Variants in ALOX5AP observed in about 807,000 individuals in gnomAD.
ALOX5AP encodes the protein arachidonate 5-lipoxygenase activating protein.
In ALOX5AP, 9 loss-of-function variants were observed where a neutral mutation model predicts 18.5. That is an observed-to-expected ratio of 0.49 (90% CI 0.29 to 0.85). The LOEUF is 0.85. ALOX5AP is among the 40% of genes least tolerant of loss of function. The pLI is 0.08. For synonymous variants in ALOX5AP, 81 were observed against 78.6 expected, an observed-to-expected ratio of 1.03 and a Z score of -0.16; for missense variants, 172 against 202.5, an observed-to-expected ratio of 0.85 and a Z score of 0.91.
intron 1 of ALOX5AP, among the ~76,000 whole-genome samples, chr13:30,739,194 C>T (rs1255469384): frequency 6.6e-6 from 1 of 152,176 alleles, no homozygotes; most frequent in Admixed American, 6.5e-5. Flanking sequence ...TGAAAGCTTG[C>T]GTTGTGTGAA....
chr13:30,757,024 T>A (rs1395824769), intron 4 of ALOX5AP, among the ~76,000 whole-genome samples: 1 of 152,094 alleles, frequency 6.6e-6, no homozygotes, highest in Non-Finnish European at 1.5e-5. Flanking sequence ...TGCCGTCAGT[T>A]CCTTAGAGAT....
chr13:30,715,795 G>A (rs1157791178), intron 1 of ALOX5AP, among the ~76,000 whole-genome samples: 1 of 141,024 alleles, frequency 7.1e-6, no homozygotes, highest in East Asian at 2.0e-4. Flanking sequence ...TTTTCTTTCA[G>A]GACCTTATTT....
intron 2 of ALOX5AP, among the ~76,000 whole-genome samples, chr13:30,744,736 C>T (rs773446815): frequency 1.6e-4 from 25 of 152,188 alleles, no homozygotes; most frequent in Non-Finnish European, 3.2e-4. Flanking sequence ...AACACCTGAG[C>T]GGCTCCTAAA....
chr13:30,738,076 T>TA lies in ALOX5AP; in HGVS notation c.70+2408dup, dbSNP rs1951734766. Reference sequence around the variant, plus strand: ...GCCATTCTGAACATTTCCTGTTAGTTAAAAAAAGATTTCCATGGTGTTACC... The same window carrying TA: ...GCCATTCTGAACATTTCCTGTTAGTTAAAAAAAAGATTTCCATGGTGTTACC... On this transcript the variant is annotated intron_variant, in intron 1 of 4. Coordinates refer to ENST00000380490, the MANE Select transcript of ALOX5AP (RefSeq NM_001629.4). Among the ~76,000 whole-genome samples, 2 of 152,260 alleles carry TA rather than the reference T, an allele frequency of 1.3e-5. 1 individual carries two copies. Among genetic ancestry groups the TA allele is most frequent in the African/African-American group, 4.8e-5 (2 of 41,534 alleles).
At chr13:30,725,899 C>A (rs1951635918) in intron 1 of ALOX5AP, among the ~76,000 whole-genome samples, 1 of 152,174 alleles carries the variant, frequency 6.6e-6, no homozygotes, top group East Asian at 1.9e-4. Context: ...TCAGTTACAG[C>A]ACCAGCTGGG....
chr13:30,735,290 A>C (rs41399556), upstream of ALOX5AP, among the ~76,000 whole-genome samples: 254 of 152,236 alleles, frequency 1.7e-3, no homozygotes, highest in African/African-American at 5.9e-3. Flanking sequence ...TCTTGGGTCC[A>C]GGATTCATTC....
intron 1 of ALOX5AP, among the ~76,000 whole-genome samples, chr13:30,737,715 C>T (rs905284508): frequency 1.2e-4 from 18 of 152,218 alleles, no homozygotes; most frequent in African/African-American, 3.6e-4. Flanking sequence ...CACAGCTGCC[C>T]CTTAGGAGCC....
At chr13:30,755,850 T>G in intron 3 of ALOX5AP, 94 bp from the exon 4 acceptor site, 1 of 1,238,168 alleles carries the variant, frequency 8.1e-7, no homozygotes, top group East Asian at 2.4e-5. Flanking sequence ...TGTCTTCTGC[T>G]AGATTTTGTG....
At chr13:30,740,316 T>C (rs1593435976) in intron 1 of ALOX5AP, among the ~76,000 whole-genome samples, 1 of 152,260 alleles carries the variant, frequency 6.6e-6, no homozygotes, top group East Asian at 1.9e-4. Context: ...TCTCTGGCCC[T>C]CCGTTTCCTT....
At chr13:30,763,421 T>C (rs3935645) in intron 4 of ALOX5AP, among the ~76,000 whole-genome samples, 76,420 of 152,148 alleles carry the variant, frequency 0.5, 19,278 homozygotes, top group Admixed American at 0.55. Context: ...TGAATGTAGA[T>C]ATGAATTATT....
chr13:30,731,038 G>T (rs892482367), upstream of ALOX5AP, among the ~76,000 whole-genome samples: 5 of 152,216 alleles, frequency 3.3e-5, no homozygotes, highest in African/African-American at 1.2e-4. Context: ...TGGGAGAGGG[G>T]TGGGCTCGCA....
chr13:30,741,836 T>TTTTTG (rs1555255431), intron 1 of ALOX5AP, among the ~76,000 whole-genome samples: 4 of 151,118 alleles, frequency 2.6e-5, no homozygotes, highest in South Asian at 2.1e-4. Context: ...TTTCTGTTTT[T>TTTTTG]TTTTTTTTTT....
In ALOX5AP at chr13:30,714,917, C is replaced by CTCTTA. The variant is rs561346797; in HGVS notation, c.116+1076_116+1077insTCTTA. ...TTATCATATTACCCACTGTACTCCC[C>CTCTTA]GCTTAGAGCTGTGTCAAGGTTCTGA... On this transcript the variant is annotated intron_variant, in intron 1 of 5. Coordinates refer to the ALOX5AP transcript ENST00000617770. Among the ~76,000 whole-genome samples, 511 of 152,306 alleles carry CTCTTA rather than the reference C, an allele frequency of 3.4e-3. 1 individual carries two copies. The highest frequency in any genetic ancestry group is 5.6e-3 in the Non-Finnish European group (384 of 68,038).
intron 1 of ALOX5AP, among the ~76,000 whole-genome samples, chr13:30,729,426 A>G (rs1031054006): frequency 1.3e-5 from 2 of 152,224 alleles, no homozygotes; most frequent in African/African-American, 4.8e-5. Flanking sequence ...TCAAAAATCA[A>G]CTGAGCATAT....
At chr13:30,757,672 A>G (rs573787228) in intron 4 of ALOX5AP, among the ~76,000 whole-genome samples, 3 of 152,092 alleles carry the variant, frequency 2.0e-5, no homozygotes, top group South Asian at 2.1e-4. Flanking sequence ...TCCTCTCTTC[A>G]TCTGTCACCA....
intron 1 of ALOX5AP, among the ~76,000 whole-genome samples, chr13:30,736,152 T>C (rs1277896540): frequency 1.3e-5 from 2 of 152,216 alleles, no homozygotes; most frequent in Admixed American, 6.5e-5. Flanking sequence ...AAAAATCATC[T>C]TATTATTTTT....
chr13:30,741,099 T>C (rs1444196195), intron 1 of ALOX5AP, among the ~76,000 whole-genome samples: 8 of 133,204 alleles, frequency 6.0e-5, no homozygotes, highest in African/African-American at 2.2e-4. Flanking sequence ...ACATCCTCCA[T>C]ATCCTTTTTT....
intron 1 of ALOX5AP, among the ~76,000 whole-genome samples, chr13:30,741,611 G>T (rs771361291): frequency 7.0e-6 from 1 of 143,296 alleles, no homozygotes; most frequent in African/African-American, 2.6e-5. Context: ...GTGTCACCAC[G>T]TTGGCCTGGC....
upstream of ALOX5AP, among the ~76,000 whole-genome samples, chr13:30,730,747 G>T (rs1045529345): frequency 6.6e-6 from 1 of 150,440 alleles, no homozygotes; most frequent in South Asian, 2.1e-4. Context: ...GAGGCATGTT[G>T]ATGCGAAGTG....
Sources: gnomAD v4.1 joint callset for allele counts (sites outside exome capture counted in the v4.1 genomes callset) on GRCh38, gnomAD v4.1.1 for gene constraint, MANE v1.5 for transcripts, NCBI Gene and HGNC (gene_info 2026-07-23, HGNC 2026-07-21) for gene names.